Variants in EXOC2 observed in about 807,000 individuals in gnomAD.
EXOC2 encodes exocyst complex component 2, also known as SEC5-like 1.
A neutral mutation model predicts 131.8 loss-of-function variants in EXOC2; 70 were observed. The ratio of observed to expected loss-of-function variants is 0.53; its 90% CI spans 0.44 to 0.65. The LOEUF (loss-of-function observed/expected upper bound fraction) is 0.65. EXOC2 is among the 30% of genes least tolerant of loss of function. The probability of loss-of-function intolerance (pLI) is 0.00; values close to 1 mark genes in which losing one functional copy is unlikely to be tolerated. For missense variants in EXOC2, 923 were observed against 1,108.6 expected (o/e 0.83, Z 2.38); for synonymous variants, 411 against 398.4 (o/e 1.03, Z -0.38).
chr6:633,202 G>T, intron 2 of EXOC2, 85 bp from the exon 3 acceptor site: 1 of 1,411,106 alleles, frequency 7.1e-7, no homozygotes, highest in Non-Finnish European at 9.7e-7. Flanking sequence ...TTTAAATCTA[G>T]TCTTGTTCAA....
rs561624245 is a variant in EXOC2 at position 617,183 on chromosome 6, TA to T, written c.661+527del. ...CTTTCATTAATTAAAAGCAGTTTTATAAAAAAAAAACTCTACCAACATCTTG... is the reference window on the plus strand; with the variant it reads ...CTTTCATTAATTAAAAGCAGTTTTATAAAAAAAAACTCTACCAACATCTTG... On this transcript the variant is annotated intron_variant, in intron 6 of 27. Transcript: ENST00000230449. 5.7e-4 allele frequency among the ~76,000 whole-genome samples: 85 copies of T among 148,660 alleles called. No homozygotes were observed. The East Asian group carries it at 0.012, about 21-fold the overall frequency.
At chr6:657,116 G>C in intron 1 of EXOC2, 1 of 487,356 alleles carries the variant, frequency 2.1e-6, no homozygotes, top group Non-Finnish European at 3.5e-6. Flanking sequence ...GGGTTCCGCA[G>C]CCCTAGGCCT....
intron 7 of EXOC2, among the ~76,000 whole-genome samples, 199 bp from the exon 8 acceptor site, chr6:599,424 A>T (rs191128039): frequency 1.8e-4 from 27 of 152,318 alleles, no homozygotes; most frequent in Non-Finnish European, 3.4e-4. Context: ...ATATGTTAAG[A>T]ATGGTATCCA....
intron 4 of EXOC2, among the ~76,000 whole-genome samples, chr6:628,747 C>T (rs982587934): frequency 6.6e-6 from 1 of 152,180 alleles, no homozygotes; most frequent in African/African-American, 2.4e-5. Context: ...AAGGGGCTTA[C>T]TATCAACTGC....
intron 1 of EXOC2, among the ~76,000 whole-genome samples, chr6:681,486 A>T (rs565022741): frequency 2.4e-4 from 37 of 152,326 alleles, no homozygotes; most frequent in African/African-American, 8.4e-4. Flanking sequence ...AAGTATTTTA[A>T]ATGTTTAAAC....
At chr6:586,942 GAC>G (rs1759242456) in intron 11 of EXOC2, among the ~76,000 whole-genome samples, 1 of 152,174 alleles carries the variant, frequency 6.6e-6, no homozygotes, top group Admixed American at 6.5e-5. Flanking sequence ...CACAAAACTA[GAC>G]AGTTTCCCAG....
chr6:627,027 A>G (rs913522182), intron 4 of EXOC2, among the ~76,000 whole-genome samples: 4 of 152,192 alleles, frequency 2.6e-5, no homozygotes, highest in African/African-American at 9.6e-5. Context: ...TGACATTAAT[A>G]AACAGAACTA....
chr6:502,891 A>G (rs548988590), intron 23 of EXOC2, among the ~76,000 whole-genome samples: 17 of 152,350 alleles, frequency 1.1e-4, no homozygotes, highest in African/African-American at 4.1e-4. Flanking sequence ...TTGGAAAAAG[A>G]GAAGGGAAAA....
rs112696084 is a variant in EXOC2 at position 575,110 on chromosome 6, G to A, written c.1318+1647C>T. 3.5e-3 allele frequency among the ~76,000 whole-genome samples: 527 copies of A among 152,340 alleles called. 3 individuals are homozygous for A. Among genetic ancestry groups the A allele is most frequent in the African/African-American group, 0.012 (498 of 41,582 alleles). The stretch of plus-strand genomic sequence containing the variant: ...GGAGGGCCATGGGGGCGGGCCCCTC[G>A]TGAATGGCTTGGTGTCCTTGCAATA... On this transcript the variant is annotated intron_variant, in intron 12 of 27. Coordinates refer to ENST00000230449, the MANE Select transcript of EXOC2 (RefSeq NM_018303.6).
At chr6:648,899 A>AT (rs1018037962) in intron 1 of EXOC2, among the ~76,000 whole-genome samples, 15 of 147,068 alleles carry the variant, frequency 1.0e-4, no homozygotes, top group East Asian at 5.9e-4. Flanking sequence ...TTTTTGTTAT[A>AT]TTTTTTTTTT....
intron 1 of EXOC2, among the ~76,000 whole-genome samples, chr6:678,090 C>T (rs368109812): frequency 3.3e-5 from 5 of 152,106 alleles, no homozygotes; most frequent in Non-Finnish European, 7.3e-5. Flanking sequence ...CTAACTGGCA[C>T]GAAGGACATG....
At chr6:510,629 T>C (rs1170129282) in intron 23 of EXOC2, among the ~76,000 whole-genome samples, 1 of 151,962 alleles carries the variant, frequency 6.6e-6, no homozygotes, top group Non-Finnish European at 1.5e-5. Context: ...CTCTCCCCTC[T>C]CATTTCAAAA....
At chr6:659,739 GC>G (rs1763326734) in intron 1 of EXOC2, among the ~76,000 whole-genome samples, 1 of 152,192 alleles carries the variant, frequency 6.6e-6, no homozygotes, top group South Asian at 2.1e-4. Context: ...GGCCATTCCT[GC>G]CTGGCACCAC....
At chr6:647,239 G>A (rs937565359) in intron 1 of EXOC2, among the ~76,000 whole-genome samples, 3 of 152,148 alleles carry the variant, frequency 2.0e-5, no homozygotes, top group African/African-American at 4.8e-5. Flanking sequence ...TTTTTAAGTA[G>A]AAATATGCTG....
intron 23 of EXOC2, among the ~76,000 whole-genome samples, chr6:501,691 A>G (rs1405953450): frequency 8.1e-6 from 1 of 123,116 alleles, no homozygotes; most frequent in Non-Finnish European, 1.6e-5. Flanking sequence ...TATCTATAAA[A>G]GATATATATA....
At chr6:568,814 CTGT>C (rs1176299123) in intron 13 of EXOC2, among the ~76,000 whole-genome samples, 1 of 152,130 alleles carries the variant, frequency 6.6e-6, no homozygotes, top group Non-Finnish European at 1.5e-5. Context: ...GCGTGAAAAT[CTGT>C]TGTTAAAAAA....
intron 23 of EXOC2, among the ~76,000 whole-genome samples, chr6:529,609 G>A (rs545394997): frequency 1.3e-5 from 2 of 152,320 alleles, no homozygotes; most frequent in East Asian, 3.9e-4. Context: ...AATATCACAA[G>A]TGATTTAATA....
At chr6:541,079 CAT>C (rs993428271) in intron 22 of EXOC2, among the ~76,000 whole-genome samples, 1 of 152,166 alleles carries the variant, frequency 6.6e-6, no homozygotes, top group Non-Finnish European at 1.5e-5. Flanking sequence ...AAACTGTCCA[CAT>C]ATGAGCTTAC....
intron 9 of EXOC2, among the ~76,000 whole-genome samples, chr6:598,567 G>C (rs1444426803): frequency 6.6e-6 from 1 of 152,168 alleles, no homozygotes; most frequent in Non-Finnish European, 1.5e-5. Flanking sequence ...TCCATCTCTA[G>C]AAAATACTTG....
Sources: allele counts gnomAD v4.1 joint callset (sites outside exome capture counted in the v4.1 genomes callset), GRCh38; gene constraint gnomAD v4.1.1; transcripts MANE v1.5; gene names NCBI Gene and HGNC (gene_info 2026-07-23, HGNC 2026-07-21).